Variants in SHTN1 observed in about 807,000 individuals in gnomAD.
The protein encoded by SHTN1 is shootin-1.
A neutral mutation model predicts 83.1 loss-of-function variants in SHTN1; 42 were observed. The ratio of observed to expected loss-of-function variants is 0.51; its 90% confidence interval spans 0.39 to 0.65. SHTN1 has a LOEUF of 0.65. Among genes scored for constraint, SHTN1 ranks in the 30% least tolerant of loss-of-function variants. The pLI is 0.00. For missense variants in SHTN1, 622 were observed against 737.8 expected (o/e 0.84, Z 1.82); for synonymous variants, 224 against 247.7 (o/e 0.90, Z 0.90).
At chr10:116,991,199 A>G (rs190817917) in intron 1 of SHTN1, among the ~76,000 whole-genome samples, 52 of 152,058 alleles carry the variant, frequency 3.4e-4, no homozygotes, top group Non-Finnish European at 5.6e-4. Flanking sequence ...AAAGAAAAAA[A>G]AAGAAGGGCT....
intron 5 of SHTN1, among the ~76,000 whole-genome samples, chr10:116,953,709 C>T (rs1312330846): frequency 6.9e-6 from 1 of 144,328 alleles, no homozygotes; most frequent in Non-Finnish European, 1.5e-5. Flanking sequence ...CTCACTGCAA[C>T]CTCTGCCTCC....
chr10:117,017,902 A>T (rs1404100909), intron 2 of SHTN1, among the ~76,000 whole-genome samples: 1 of 152,210 alleles, frequency 6.6e-6, no homozygotes, highest in Non-Finnish European at 1.5e-5. Context: ...TTTTTCCTAA[A>T]ACCCATAACC....
intron 2 of SHTN1, among the ~76,000 whole-genome samples, chr10:117,045,881 G>A (rs535653109): frequency 2.0e-5 from 3 of 152,156 alleles, no homozygotes; most frequent in African/African-American, 4.8e-5. Flanking sequence ...TGAAAAAAGT[G>A]GATGGCATAC....
chr10:117,024,437 C>A (rs943625097), intron 2 of SHTN1, among the ~76,000 whole-genome samples: 1 of 149,132 alleles, frequency 6.7e-6, no homozygotes, highest in African/African-American at 2.5e-5. Context: ...TCACTGCAAG[C>A]TCCGCCTCCC....
chr10:117,123,033 G>A (rs1301267556), intron 1 of SHTN1, among the ~76,000 whole-genome samples: 1 of 151,928 alleles, frequency 6.6e-6, no homozygotes, highest in Non-Finnish European at 1.5e-5. Context: ...ATGGAGTTTC[G>A]CTCTTGTTGC....
At chr10:117,124,055 TA>T (rs1853970041) in intron 1 of SHTN1, among the ~76,000 whole-genome samples, 1 of 149,742 alleles carries the variant, frequency 6.7e-6, no homozygotes, top group African/African-American at 2.5e-5. Flanking sequence ...CTACAAAAAA[TA>T]AAAAAATAGC....
At chr10:116,999,554 T>C (rs534075665) in intron 1 of SHTN1, among the ~76,000 whole-genome samples, 2 of 152,334 alleles carry the variant, frequency 1.3e-5, no homozygotes, top group South Asian at 2.1e-4. Context: ...GATAGAATAG[T>C]TAATTGTACT....
intron 1 of SHTN1, among the ~76,000 whole-genome samples, chr10:116,990,412 G>A (rs1851387393): frequency 6.8e-6 from 1 of 146,538 alleles, no homozygotes; most frequent in African/African-American, 2.5e-5. Flanking sequence ...CTCCTTGCTT[G>A]TTCTCCCAGG....
intron 2 of SHTN1, among the ~76,000 whole-genome samples, chr10:117,020,473 C>T (rs1852243696): frequency 1.3e-5 from 2 of 150,010 alleles, no homozygotes; most frequent in Non-Finnish European, 3.0e-5. Flanking sequence ...GCCCTCCAGC[C>T]TGGGCAACAG....
chr10:116,930,459 C>T (rs1047714212), intron 9 of SHTN1, among the ~76,000 whole-genome samples: 8 of 152,174 alleles, frequency 5.3e-5, no homozygotes, highest in Non-Finnish European at 1.2e-4. Context: ...CAATGCTTAG[C>T]TCCCACTTAG....
upstream of SHTN1, among the ~76,000 whole-genome samples, chr10:117,006,028 A>C (rs1852000853): frequency 6.6e-6 from 1 of 152,176 alleles, no homozygotes; most frequent in Non-Finnish European, 1.5e-5. Flanking sequence ...GACCATGCCC[A>C]GGAGAGAAGT....
intron 1 of SHTN1, among the ~76,000 whole-genome samples, chr10:116,991,492 G>A (rs1418602006): frequency 1.3e-5 from 2 of 152,162 alleles, no homozygotes; most frequent in African/African-American, 4.8e-5. Context: ...ATCATACGGT[G>A]AGAGAGGAAA....
chr10:116,898,934 TC>T (rs1847620209), intron 16 of SHTN1, among the ~76,000 whole-genome samples: 1 of 152,214 alleles, frequency 6.6e-6, no homozygotes, highest in African/African-American at 2.4e-5. Flanking sequence ...TTATATGGAA[TC>T]TATACATATG....
At chr10:117,107,573 A>G (rs1853690093) in intron 1 of SHTN1, among the ~76,000 whole-genome samples, 1 of 152,210 alleles carries the variant, frequency 6.6e-6, no homozygotes, top group South Asian at 2.1e-4. Flanking sequence ...CACTCCAGAC[A>G]TATATGCCAA....
intron 2 of SHTN1, among the ~76,000 whole-genome samples, chr10:116,975,279 C>G (rs1202447071): frequency 6.6e-6 from 1 of 151,910 alleles, no homozygotes; most frequent in Non-Finnish European, 1.5e-5. Flanking sequence ...TGTCTTATTA[C>G]CAAAAAAGCA....
In SHTN1 at chr10:117,016,338, C is replaced by G. The variant is rs115985578; in HGVS notation, c.-123+32107G>C. Among the ~76,000 whole-genome samples, 1,445 of 152,276 alleles carry G rather than the reference C, an allele frequency of 9.5e-3. 24 individuals are homozygous for G. The highest frequency in any genetic ancestry group is 0.033 in the African/African-American group (1,353 of 41,550). On this transcript the variant is annotated intron_variant, in intron 2 of 17. Transcript: ENST00000392901. ...GATGGATGCAATTTTCTCTGTTCAT[C>G]TAGTGTTCCTCAAGGATGAAATCAT...
chr10:117,025,075 C>G (rs1852311610), intron 2 of SHTN1, among the ~76,000 whole-genome samples: 1 of 152,180 alleles, frequency 6.6e-6, no homozygotes, highest in Non-Finnish European at 1.5e-5. Context: ...TAACAACTAT[C>G]TACACACAAA....
intron 8 of SHTN1, among the ~76,000 whole-genome samples, chr10:116,943,689 C>T (rs1464009098): frequency 6.6e-6 from 1 of 152,216 alleles, no homozygotes; most frequent in African/African-American, 2.4e-5. Flanking sequence ...TATGCTCAAG[C>T]ACAGAAAGAC....
At chr10:116,989,584 A>G (rs951124645) in intron 1 of SHTN1, among the ~76,000 whole-genome samples, 2 of 152,120 alleles carry the variant, frequency 1.3e-5, no homozygotes, top group East Asian at 3.9e-4. Flanking sequence ...ATTCTCCTTT[A>G]CAATCCATAT....
Sources: gnomAD v4.1 joint callset for allele counts (sites outside exome capture counted in the v4.1 genomes callset) on GRCh38, gnomAD v4.1.1 for gene constraint, MANE v1.5 for transcripts, NCBI Gene and HGNC (gene_info 2026-07-23, HGNC 2026-07-21) for gene names.